SLC44A5: variants seen among roughly 807,000 people sequenced by gnomAD.
SLC44A5 encodes the protein solute carrier family 44 member 5.
A neutral mutation model predicts 101.8 loss-of-function variants in SLC44A5; 57 were observed. That is an observed-to-expected ratio of 0.56 (90% CI 0.45 to 0.70). The LOEUF (loss-of-function observed/expected upper bound fraction) is 0.70. Among genes scored for constraint, SLC44A5 ranks in the 30% least tolerant of loss-of-function variants. SLC44A5 has a pLI of 0.00. For missense variants in SLC44A5, 737 were observed against 853.1 expected (o/e 0.86, Z 1.70); for synonymous variants, 281 against 290.9 (o/e 0.97, Z 0.35).
intron 2 of SLC44A5, among the ~76,000 whole-genome samples, chr1:75,462,128 G>A (rs190137907): frequency 2.6e-5 from 4 of 152,294 alleles, no homozygotes; most frequent in East Asian, 1.9e-4. Context: ...CATTCCTAGC[G>A]GTAGTAGCCA....
At chr1:75,336,459 A>T (rs1048991485) in intron 4 of SLC44A5, among the ~76,000 whole-genome samples, 1 of 152,140 alleles carries the variant, frequency 6.6e-6, no homozygotes, top group African/African-American at 2.4e-5. Flanking sequence ...CGGCCAGAAT[A>T]TGATTATTTC....
the SLC44A5 span, among the ~76,000 whole-genome samples, chr1:75,648,045 C>A: frequency 6.6e-6 from 1 of 152,152 alleles, no homozygotes; most frequent in Non-Finnish European, 1.5e-5. Flanking sequence ...TTTCCCCACC[C>A]AAATCTCATC....
intron 2 of SLC44A5, among the ~76,000 whole-genome samples, chr1:75,455,491 C>A (rs1310569322): frequency 2.6e-5 from 4 of 151,982 alleles, no homozygotes; most frequent in Admixed American, 2.6e-4. Flanking sequence ...ATAGCAATTG[C>A]AACAAAAGCA....
At chr1:75,291,782 C>T (rs1420569903) in intron 5 of SLC44A5, among the ~76,000 whole-genome samples, 6 of 151,922 alleles carry the variant, frequency 3.9e-5, no homozygotes, top group African/African-American at 7.3e-5. Context: ...GAGGCCAAGG[C>T]GGGTGGATCA....
At chr1:75,359,296 G>A (rs1224526078) in intron 3 of SLC44A5, among the ~76,000 whole-genome samples, 7 of 145,150 alleles carry the variant, frequency 4.8e-5, no homozygotes, top group South Asian at 2.2e-4. Flanking sequence ...GTACGGTGGC[G>A]TGATGTCAGT....
At position 75,227,850 on chromosome 1, in the gene SLC44A5, C is replaced by A; in HGVS notation, c.861G>T (p.Trp287Cys). ...GATTGGTGTACTGCTGGTAACAGTG[C>A]CATATTCCTTGAAAAAGAAAGAAAA... Reference protein sequence around the residue: ...GVIGIIGYGIWHCYQQYTNLQ... With the variant: ...GVIGIIGYGICHCYQQYTNLQ... Residue 287 changes from tryptophan (W) to cysteine (C), a missense_variant, in exon 13 of 24, where the codon TGG becomes TGT. Physicochemically the swap from Trp to Cys is radical, Grantham distance 215. Transcript: ENST00000370859. 1 of 1,581,176 alleles carries A rather than the reference C, an allele frequency of 6.3e-7. No individual in the cohort carries two copies. The highest frequency in any genetic ancestry group is 8.5e-7 in the Non-Finnish European group (1 of 1,170,982).
intron 6 of SLC44A5, among the ~76,000 whole-genome samples, chr1:75,252,806 A>C (rs1472459690): frequency 2.6e-5 from 4 of 152,210 alleles, no homozygotes; most frequent in Admixed American, 2.6e-4. Flanking sequence ...AGCCCATCAT[A>C]ATAGGATATG....
intron 1 of SLC44A5, among the ~76,000 whole-genome samples, chr1:75,594,913 T>C (rs963881569): frequency 1.2e-4 from 18 of 151,972 alleles, no homozygotes; most frequent in Non-Finnish European, 2.9e-5. Context: ...TTTCAGTGTA[T>C]ATTTTGCCCC....
intron 3 of SLC44A5, among the ~76,000 whole-genome samples, chr1:75,342,788 T>A (rs1365643463): frequency 2.0e-5 from 3 of 152,198 alleles, no homozygotes; most frequent in Non-Finnish European, 4.4e-5. Flanking sequence ...GTAAATGAAA[T>A]GCCATTGTCG....
At chr1:75,425,395 A>G (rs761778029) in intron 2 of SLC44A5, among the ~76,000 whole-genome samples, 1 of 152,206 alleles carries the variant, frequency 6.6e-6, no homozygotes, top group Non-Finnish European at 1.5e-5. Flanking sequence ...GCCAAAACTA[A>G]TTGTGTGAAA....
At chr1:75,661,284 A>G in the SLC44A5 span, among the ~76,000 whole-genome samples, 1 of 150,438 alleles carries the variant, frequency 6.6e-6, no homozygotes, top group South Asian at 2.2e-4. Context: ...GGATATCCAT[A>G]TGTAGAATGA....
At chr1:75,214,013 TATA>T in intron 20 of SLC44A5, 24 bp from the exon 21 acceptor site, 1 of 1,427,970 alleles carries the variant, frequency 7.0e-7, no homozygotes, top group Non-Finnish European at 9.7e-7. Context: ...AAAAAGAAAG[TATA>T]ATTCTGTGTT....
chr1:75,666,253 A>C, the SLC44A5 span, among the ~76,000 whole-genome samples: 1 of 152,198 alleles, frequency 6.6e-6, no homozygotes, highest in Admixed American at 6.6e-5. Flanking sequence ...CATAAAAAAA[A>C]TGTGGTATAA....
At chr1:75,438,923 A>G (rs1358068889) in intron 2 of SLC44A5, among the ~76,000 whole-genome samples, 1 of 152,178 alleles carries the variant, frequency 6.6e-6, no homozygotes, top group Non-Finnish European at 1.5e-5. Context: ...TTTTAGGATA[A>G]AGACTATCTA....
At chr1:75,711,951 T>C in the SLC44A5 span, among the ~76,000 whole-genome samples, 1 of 152,232 alleles carries the variant, frequency 6.6e-6, no homozygotes, top group African/African-American at 2.4e-5. Flanking sequence ...TTCAAATCCC[T>C]CCAGGTATAG....
intron 2 of SLC44A5, among the ~76,000 whole-genome samples, chr1:75,512,582 A>G (rs1343030445): frequency 3.3e-5 from 5 of 152,248 alleles, no homozygotes; most frequent in Non-Finnish European, 7.3e-5. Context: ...ATGTGAGCAA[A>G]ACAAACAAGT....
intron 22 of SLC44A5, among the ~76,000 whole-genome samples, chr1:75,211,830 TTTC>T (rs1286813528): frequency 1.3e-5 from 2 of 151,240 alleles, no homozygotes; most frequent in Non-Finnish European, 2.9e-5. Context: ...TTTCTTTTCT[TTTC>T]TTTTTTTTCT....
chr1:75,649,527 G>A, the SLC44A5 span, among the ~76,000 whole-genome samples: 1 of 151,964 alleles, frequency 6.6e-6, no homozygotes. Flanking sequence ...TTAAGAACCA[G>A]GAGACCTGAT....
intron 2 of SLC44A5, among the ~76,000 whole-genome samples, chr1:75,399,714 T>C (rs76558054): frequency 0.018 from 2,671 of 152,224 alleles, 82 homozygotes; most frequent in African/African-American, 0.061. Flanking sequence ...TGTAAAAAAA[T>C]TGTATATCTG....
Sources: allele counts gnomAD v4.1 joint callset (sites outside exome capture counted in the v4.1 genomes callset), GRCh38; gene constraint gnomAD v4.1.1; transcripts MANE v1.5; gene names NCBI Gene and HGNC (gene_info 2026-07-23, HGNC 2026-07-21).